Variants in INPP5F observed in about 807,000 individuals in gnomAD.
INPP5F encodes inositol polyphosphate-5-phosphatase F.
A neutral mutation model predicts 137.2 loss-of-function variants in INPP5F; 97 were observed. The ratio of observed to expected loss-of-function variants is 0.71; its 90% CI spans 0.60 to 0.84. The LOEUF is 0.84. Ranked by LOEUF, INPP5F falls within the 40% of genes least tolerant of loss-of-function variation. The pLI is 0.00. For synonymous variants in INPP5F, 504 were observed against 476.9 expected (o/e 1.06, Z -0.74); for missense variants, 1,271 against 1,371.9 (o/e 0.93, Z 1.16).
intron 2 of INPP5F, among the ~76,000 whole-genome samples, chr10:119,776,350 T>A (rs1849521716): frequency 5.4e-4 from 1 of 1,852 alleles, no homozygotes; most frequent in African/African-American, 5.7e-4. Flanking sequence ...AAAAAATGTG[T>A]ATTTATTTTA....
chr10:119,825,941 C>G (rs1211320738), intron 19 of INPP5F: 3 of 398,306 alleles, frequency 7.5e-6, no homozygotes, highest in African/African-American at 4.1e-5. Context: ...ACTTTTCTTT[C>G]TTATTTATAG....
At chr10:119,763,458 T>C (rs1849064390) in intron 2 of INPP5F, among the ~76,000 whole-genome samples, 1 of 152,230 alleles carries the variant, frequency 6.6e-6, no homozygotes, top group African/African-American at 2.4e-5. Context: ...TTGTTCTGCC[T>C]TTGTCTTGAA....
chr10:119,766,499 C>T (rs916328611), intron 2 of INPP5F, among the ~76,000 whole-genome samples: 2 of 152,034 alleles, frequency 1.3e-5, no homozygotes, highest in African/African-American at 4.8e-5. Flanking sequence ...ACTATAAATA[C>T]AAGCCACAGA....
chr10:119,785,575 A>AGAGACTGAGACT (rs993572733), intron 3 of INPP5F, among the ~76,000 whole-genome samples: 1 of 150,450 alleles, frequency 6.6e-6, no homozygotes. Flanking sequence ...AGAGAGAGAG[A>AGAGACTGAGACT]GAGACTGAGA....
At chr10:119,736,945 T>A (rs996345128) in intron 1 of INPP5F, among the ~76,000 whole-genome samples, 2 of 152,180 alleles carry the variant, frequency 1.3e-5, no homozygotes, top group African/African-American at 4.8e-5. Context: ...CGCCTCAGCC[T>A]CCTGAGTAGC....
intron 1 of INPP5F, among the ~76,000 whole-genome samples, chr10:119,729,956 T>C (rs1375874368): frequency 6.6e-6 from 1 of 152,034 alleles, no homozygotes; most frequent in Non-Finnish European, 1.5e-5. Context: ...AGGTTTTTTT[T>C]CTCCTAGTTA....
chr10:119,740,034 ATT>A (rs57720657), intron 1 of INPP5F, among the ~76,000 whole-genome samples: 3 of 151,696 alleles, frequency 2.0e-5, no homozygotes, highest in Admixed American at 6.6e-5. Context: ...GCTTTTCTTA[ATT>A]TTTTTCCCCC....
chr10:119,822,195 C>CT (rs570425714), intron 16 of INPP5F, among the ~76,000 whole-genome samples: 79 of 152,176 alleles, frequency 5.2e-4, no homozygotes, highest in African/African-American at 1.8e-3. Context: ...GCCGTAGTTG[C>CT]TTTTTTTAAC....
rs539910026 is a variant in INPP5F, at chr10:119,823,312, A to G, written c.2161+113A>G. 8.5e-4 allele frequency: 844 copies of G among 993,660 alleles called. 2 individuals are homozygous for G. The highest frequency in any genetic ancestry group is 1.7e-3 in the Admixed American group (65 of 37,410). The allele number at this position is 993,660 out of a possible 1,614,324, so 61.6% of individuals were successfully genotyped here. On this transcript the variant is annotated intron_variant, in intron 18 of 19. Coordinates refer to ENST00000650623, the MANE Select transcript of INPP5F (RefSeq NM_014937.4). Reference sequence around the variant, plus strand: ...TAACCAACTGAATGAGAGAGGGTCCAGGGAATAGCTTTGGAATATGAGACC... The same window carrying G: ...TAACCAACTGAATGAGAGAGGGTCCGGGGAATAGCTTTGGAATATGAGACC...
intron 2 of INPP5F, among the ~76,000 whole-genome samples, chr10:119,767,672 A>G (rs2134154336): frequency 6.6e-6 from 1 of 152,344 alleles, no homozygotes; most frequent in Non-Finnish European, 1.5e-5. Context: ...GCTTACTTTC[A>G]AGACAAATGC....
At chr10:119,749,825 C>T (rs1848640554) in intron 1 of INPP5F, among the ~76,000 whole-genome samples, 1 of 152,206 alleles carries the variant, frequency 6.6e-6, no homozygotes, top group African/African-American at 2.4e-5. Context: ...GTTGCCTGGG[C>T]TGGAGTGCCG....
chr10:119,783,286 G>C (rs1849768360), intron 3 of INPP5F, among the ~76,000 whole-genome samples: 1 of 152,216 alleles, frequency 6.6e-6, no homozygotes, highest in Non-Finnish European at 1.5e-5. Context: ...CACACTGAAA[G>C]ATCAGGATGG....
At chr10:119,822,532 T>C (rs756981001) in intron 17 of INPP5F, 28 bp downstream of exon 17, 2 of 1,117,136 alleles carry the variant, frequency 1.8e-6, no homozygotes, top group Non-Finnish European at 1.3e-6. Context: ...AATCAAGTCA[T>C]CAAAAGCAAA....
chr10:119,825,332 G>C (rs1352696110), intron 19 of INPP5F, among the ~76,000 whole-genome samples: 4 of 152,128 alleles, frequency 2.6e-5, no homozygotes, highest in African/African-American at 9.7e-5. Context: ...AAAGGTTATT[G>C]CTTATCCTCA....
chr10:119,790,790 T>C (rs1368483627), intron 3 of INPP5F, among the ~76,000 whole-genome samples: 1 of 152,216 alleles, frequency 6.6e-6, no homozygotes, highest in Non-Finnish European at 1.5e-5. Flanking sequence ...TACATGAAAT[T>C]ATATGTAAAT....
intron 1 of INPP5F, among the ~76,000 whole-genome samples, chr10:119,745,454 C>T (rs572597449): frequency 6.6e-6 from 1 of 151,946 alleles, no homozygotes; most frequent in Non-Finnish European, 1.5e-5. Flanking sequence ...CCAATCTCCA[C>T]CTCTTTTCAA....
At chr10:119,763,600 G>T (rs796445026) in intron 2 of INPP5F, among the ~76,000 whole-genome samples, 6 of 152,290 alleles carry the variant, frequency 3.9e-5, no homozygotes, top group African/African-American at 1.4e-4. Context: ...CTGCTGAAGT[G>T]GCTTAAGTCC....
At chr10:119,735,226 A>T (rs1313706904) in intron 1 of INPP5F, among the ~76,000 whole-genome samples, 1 of 152,204 alleles carries the variant, frequency 6.6e-6, no homozygotes, top group African/African-American at 2.4e-5. Context: ...GTAAGTCTGA[A>T]ATACAGGTTG....
At chr10:119,761,541 C>T (rs2134142194) in intron 2 of INPP5F, among the ~76,000 whole-genome samples, 1 of 148,606 alleles carries the variant, frequency 6.7e-6, no homozygotes, top group East Asian at 2.0e-4. Flanking sequence ...ATATGGTGCT[C>T]TACTTCCATT....
Sources: allele counts gnomAD v4.1 joint callset (sites outside exome capture counted in the v4.1 genomes callset), GRCh38; gene constraint gnomAD v4.1.1; transcripts MANE v1.5; gene names NCBI Gene and HGNC (gene_info 2026-07-23, HGNC 2026-07-21).